ITGA5: variants seen among roughly 807,000 people sequenced by gnomAD.
The protein encoded by ITGA5 is integrin subunit alpha 5, also known as integrin alpha-5.
In ITGA5, 55 loss-of-function variants were observed where a neutral mutation model predicts 146.3. The ratio of observed to expected loss-of-function variants is 0.38; its 90% confidence interval spans 0.30 to 0.47. The LOEUF (loss-of-function observed/expected upper bound fraction) is 0.47, where lower values mean the gene tolerates loss of function less well. ITGA5 is among the 20% of genes least tolerant of loss of function. The probability of loss-of-function intolerance (pLI) is 0.99; values close to 1 mark genes in which losing one functional copy is unlikely to be tolerated. For synonymous variants in ITGA5, 500 were observed against 531.8 expected, an observed-to-expected ratio of 0.94 and a Z score of 0.82; for missense variants, 1,131 against 1,329.0, an observed-to-expected ratio of 0.85 and a Z score of 2.32.
chr12:54,418,990 C>G lies in ITGA5; in HGVS notation c.209G>C (p.Gly70Ala), dbSNP rs773172483. 6.2e-7 allele frequency: 1 copy of G among 1,608,080 alleles called. No individual in the cohort carries two copies. The highest frequency in any genetic ancestry group is 1.3e-5 in the African/African-American group (1 of 74,738). ...FGFSVEFYRP[G>A]TDGVSVLVGA... Reference sequence around the variant, plus strand: ...AGCCCTCCTCACTCACCCGTCTGTTCCCGGCCGGTAAAACTCCACTGAGAA... The same window carrying G: ...AGCCCTCCTCACTCACCCGTCTGTTGCCGGCCGGTAAAACTCCACTGAGAA... Residue 70 changes from glycine (G) to alanine (A), a missense_variant, in exon 1 of 30, where the codon GGA becomes GCA. Physicochemically the swap from Gly to Ala is moderately conservative, Grantham distance 60 (BLOSUM62 0). This residue lies in a region of ITGA5 where 175 missense variants were observed against 179.3 expected (regional missense o/e 0.98). Transcript: ENST00000293379.
chr12:54,403,832 G>A lies in ITGA5; in HGVS notation c.1622-53C>T, dbSNP rs901799955. ...CTGCCTGTCTTTCCTCATCTTTTCAGAGAGAAGAAATGTCCCCAGGTCCCC... is the reference window on the plus strand; with the variant it reads ...CTGCCTGTCTTTCCTCATCTTTTCAAAGAGAAGAAATGTCCCCAGGTCCCC... On this transcript the variant is annotated intron_variant, in intron 16 of 29. Coordinates refer to ENST00000293379, the MANE Select transcript of ITGA5 (RefSeq NM_002205.5). The surrounding 1 kb of genome is among the most constrained non-coding windows in gnomAD (Gnocchi z 4.9). The A allele has an allele frequency of 3.4e-5, 54 of 1,609,786 alleles. No individual in the cohort carries two copies. Among genetic ancestry groups the A allele is most frequent in the Non-Finnish European group, 4.4e-5 (52 of 1,176,526 alleles).
chr12:54,396,452 T>C (rs1480710739), intron 29 of ITGA5, 76 bp from the exon 30 acceptor site: 3 of 1,215,068 alleles, frequency 2.5e-6, no homozygotes, highest in African/African-American at 3.0e-5. Context: ...CAAGAAGTAA[T>C]AAGGAGGACT....
chr12:54,408,987 T>A lies in ITGA5; in HGVS notation c.584-33A>T, dbSNP rs201708228. ...GGGAGAAGGTGGTGAAAATGAGCCC[T>A]GCATAGATGGGTCATCCAGGAAAGA... On this transcript the variant is annotated intron_variant, in intron 4 of 29. Coordinates refer to ENST00000293379, the MANE Select transcript of ITGA5 (RefSeq NM_002205.5). The A allele has an allele frequency of 1.9e-6, 3 of 1,602,744 alleles. No individual in the cohort carries two copies. In the African/African-American group the frequency reaches 4.0e-5, roughly 21 times the overall value.
intron 19 of ITGA5, 33 bp downstream of exon 19, chr12:54,402,950 G>T: frequency 6.3e-7 from 1 of 1,597,894 alleles, no homozygotes; most frequent in Non-Finnish European, 8.6e-7. Flanking sequence ...AGGTGCACCT[G>T]GAGCTCCCTA....
intron 1 of ITGA5, 57 bp downstream of exon 1, chr12:54,418,924 C>T: frequency 1.3e-6 from 2 of 1,591,906 alleles, no homozygotes; most frequent in Non-Finnish European, 1.7e-6. Context: ...CCAGCCGCGC[C>T]CCCAGTCTCC....
Position 54,401,828 on chromosome 12 carries a change from G to A in ITGA5, c.2254C>T (p.Pro752Ser), listed in dbSNP as rs1955788557. 6.2e-7 allele frequency: 1 copy of A among 1,614,108 alleles called. No individual in the cohort carries two copies. Among genetic ancestry groups the A allele is most frequent in the Non-Finnish European group, 8.5e-7 (1 of 1,180,010 alleles). Reference sequence around the variant, plus strand: ...GTTTTCTTAGTGTCCCGGAGATGAGGGACTGTAAACCGAAGGCCACCCCAC... The same window carrying A: ...GTTTTCTTAGTGTCCCGGAGATGAGAGACTGTAAACCGAAGGCCACCCCAC... ...SLWGGLRFTV[P>S]HLRDTKKTIQ... Residue 752 changes from proline to serine, a missense_variant, in exon 22 of 30, where the codon CCT becomes TCT. By Grantham distance (74) the Pro-to-Ser change is moderately conservative. Around this residue, in one of 3 missense-constraint regions of ITGA5, gnomAD observed 889 missense variants for 1,021.5 expected, o/e 0.87. Transcript: ENST00000293379. This position sits in a 1 kb window ranked among gnomAD's most constrained non-coding sequence, Gnocchi z 5.0.
In ITGA5 at chr12:54,403,030, A is replaced by G. The variant is rs1304470183; in HGVS notation, c.1935T>C (p.Cys645=). Residue 645 remains cysteine (C), a synonymous_variant, in exon 19 of 30, where the codon TGT becomes TGC. Transcript: ENST00000293379. The surrounding 1 kb of genome is among the most constrained non-coding windows in gnomAD (Gnocchi z 4.9). ...CAGGCACACAGATGTTGTCTTCTCC[A>G]CAGTCCAGCAAGATCTGAGCCTGGG... The part of the protein sequence containing the change: ...IEDKAQILLD[C]GEDNICVPDL... 1 of 1,614,094 alleles carries G rather than the reference A, an allele frequency of 6.2e-7. No homozygotes were observed. The highest frequency in any genetic ancestry group is 8.5e-7 in the Non-Finnish European group (1 of 1,180,002).
In ITGA5 at chr12:54,402,415, G is replaced by A. The variant is rs192942620; in HGVS notation, c.1983-85C>T. 1.1e-3 allele frequency: 1,445 copies of A among 1,316,890 alleles called. 6 individuals are homozygous for A. The Middle Eastern group carries it at 0.022, about 20-fold the overall frequency. The allele number at this position is 1,316,890 out of a possible 1,614,324, so 81.6% of individuals were successfully genotyped here. On this transcript the variant is annotated intron_variant, in intron 19 of 29. Coordinates refer to ENST00000293379, the MANE Select transcript of ITGA5 (RefSeq NM_002205.5). The stretch of plus-strand genomic sequence containing the variant: ...GACCATTATAAGAGTAGTAATACGA[G>A]GCCGGGTGTGGTGGCTCACACCTGT...
intron 29 of ITGA5, 59 bp from the exon 30 acceptor site, chr12:54,396,435 C>A (rs1247844924): frequency 8.0e-6 from 11 of 1,369,164 alleles, no homozygotes; most frequent in Non-Finnish European, 1.1e-5. Flanking sequence ...CTCCACAGCT[C>A]TTATTCCAAG....
chr12:54,397,463 T>G lies in ITGA5; in HGVS notation c.2968A>C (p.Lys990Gln), dbSNP rs1592282661. The change falls in exon 29 of 30, where the codon AAG becomes CAG. Residue 990 changes from lysine to glutamine, a missense_variant. Lys to Gln is a moderately conservative substitution (Grantham distance 53, BLOSUM62 1). Coordinates refer to ENST00000293379, the MANE Select transcript of ITGA5 (RefSeq NM_002205.5). ...GGGACGCCATAGCTGCCTTCTGCCT[T>G]GGTCCATTGCACAGCTGTGGCCACC... ...RQVATAVQWT[K>Q]AEGSYGVPLW... The G allele has an allele frequency of 6.2e-7, 1 of 1,614,166 alleles. No individual in the cohort carries two copies. Among genetic ancestry groups the G allele is most frequent in the East Asian group, 2.2e-5 (1 of 44,892 alleles).
In ITGA5 at chr12:54,409,571, A is replaced by T. The variant is rs1371606256; in HGVS notation, c.376T>A (p.Ser126Thr). The change falls in exon 3 of 30, where the codon TCC (serine) becomes ACC (threonine). Residue 126 changes from serine to threonine, a missense_variant. By Grantham distance (58) the Ser-to-Thr change is moderately conservative (BLOSUM62 1). Around this residue, in one of 3 missense-constraint regions of ITGA5, gnomAD observed 175 missense variants for 179.3 expected, o/e 0.98. Transcript: ENST00000293379. The surrounding 1 kb of genome is among the most constrained non-coding windows in gnomAD (Gnocchi z 4.7). The part of the protein sequence containing the change: ...KGSRLLESSL[S>T]SSEGEEPVEY... ...ACAGGCTCCTCTCCCTCTGAGCTGG[A>T]CAGTGAGGACTCCAGGAGCCGAGAG... is the stretch of plus-strand genomic sequence containing the variant. 6.2e-7 allele frequency: 1 copy of T among 1,613,412 alleles called. No homozygotes were observed. Among genetic ancestry groups the T allele is most frequent in the Non-Finnish European group, 8.5e-7 (1 of 1,179,858 alleles).
intron 26 of ITGA5, 35 bp downstream of exon 26, chr12:54,399,829 A>G (rs1256851581): frequency 1.9e-6 from 3 of 1,608,982 alleles, no homozygotes; most frequent in Non-Finnish European, 1.7e-6. Context: ...AGTACTCAAC[A>G]CTTTGGTCCA....
Position 54,396,255 on chromosome 12 carries a change from C to G in ITGA5, c.*38G>C. The stretch of plus-strand genomic sequence containing the variant: ...TTTCAGTAGAATGAGGGTGGGGGGA[C>G]TGGTTCTTCAGGAATGGGAGTCTGA... On this transcript the variant is annotated 3_prime_UTR_variant, in exon 30 of 30. Coordinates refer to ENST00000293379, the MANE Select transcript of ITGA5 (RefSeq NM_002205.5). The G allele has an allele frequency of 6.7e-7, 1 of 1,501,600 alleles. No individual in the cohort carries two copies. Among genetic ancestry groups the G allele is most frequent in the East Asian group, 2.3e-5 (1 of 44,284 alleles). The allele number at this position is 1,501,600 out of a possible 1,614,324, so 93.0% of individuals were successfully genotyped here.
At chr12:54,407,727 G>A in intron 8 of ITGA5, 35 bp from the exon 9 acceptor site, 2 of 1,609,838 alleles carry the variant, frequency 1.2e-6, no homozygotes, top group Non-Finnish European at 1.7e-6. Context: ...ACCTAAGGGT[G>A]GGGAAAGGGA....
chr12:54,396,386 G>A lies in ITGA5; in HGVS notation c.3067-10C>T, dbSNP rs1239078427. Reference sequence around the variant, plus strand: ...GTTTGAAGAATCCAAGCTGATAAAGGGGAAAAGAGGGAGAGTTTAGGTACT... The same window carrying A: ...GTTTGAAGAATCCAAGCTGATAAAGAGGAAAAGAGGGAGAGTTTAGGTACT... On this transcript the variant is annotated splice_polypyrimidine_tract_variant and intron_variant, in intron 29 of 29. Transcript: ENST00000293379. 5 of 1,605,184 alleles carry A rather than the reference G, an allele frequency of 3.1e-6. No individual in the cohort carries two copies. Among genetic ancestry groups the A allele is most frequent in the Non-Finnish European group, 3.4e-6 (4 of 1,171,932 alleles).
Position 54,407,325 on chromosome 12 carries a change from T to C in ITGA5, c.906+324A>G, listed in dbSNP as rs918450983. On this transcript the variant is annotated intron_variant, in intron 9 of 29. Transcript: ENST00000293379. Reference sequence around the variant, plus strand: ...CACTTGTCCTGGTCTAATAATAACATCTGCCAGTTGTACATTGCCTAACAA... The same window carrying C: ...CACTTGTCCTGGTCTAATAATAACACCTGCCAGTTGTACATTGCCTAACAA... 8.1e-6 allele frequency: 3 copies of C among 372,090 alleles called. No homozygotes were observed. In the Admixed American group the frequency reaches 1.2e-4, roughly 15 times the overall value. The allele number at this position is 372,090 out of a possible 1,614,324, so 23.0% of individuals were successfully genotyped here. A position where few individuals can be genotyped will look rare whatever the true frequency, so the allele number is the denominator to read the frequency against.
Position 54,419,247 on chromosome 12 carries a change from T to C in ITGA5, c.-49A>G, listed in dbSNP as rs1224112957. 4 of 1,540,766 alleles carry C rather than the reference T, an allele frequency of 2.6e-6. No individual in the cohort carries two copies. Among genetic ancestry groups the C allele is most frequent in the Admixed American group, 3.9e-5 (2 of 50,894 alleles). On this transcript the variant is annotated 5_prime_UTR_variant, in exon 1 of 30. Coordinates refer to ENST00000293379, the MANE Select transcript of ITGA5 (RefSeq NM_002205.5). Reference sequence around the variant, plus strand: ...GGGCCACCGACCCGGAGCCGCTTCCTAAACCTCCCAGAGGCGAATGACTCA... The same window carrying C: ...GGGCCACCGACCCGGAGCCGCTTCCCAAACCTCCCAGAGGCGAATGACTCA...
rs371880807 is a variant in ITGA5, at chr12:54,409,305, G to A, written c.510C>T (p.Ser170=). 5.0e-6 allele frequency: 8 copies of A among 1,613,790 alleles called. No individual in the cohort carries two copies. The highest frequency in any genetic ancestry group is 4.4e-5 in the South Asian group (4 of 91,058). Reference sequence around the variant, plus strand: ...AGAGGTAGCAGGTGCCCACGGGGTCGCTCAGTGGCTCCTTCTCTGTGCGCC... The same window carrying A: ...AGAGGTAGCAGGTGCCCACGGGGTCACTCAGTGGCTCCTTCTCTGTGCGCC... ...YSWRTEKEPL[S]DPVGTCYLST... The change falls in exon 4 of 30, where the codon AGC becomes AGT. Residue 170 remains serine, a synonymous_variant. Coordinates refer to ENST00000293379, the MANE Select transcript of ITGA5 (RefSeq NM_002205.5). The surrounding 1 kb of genome is among the most constrained non-coding windows in gnomAD (Gnocchi z 4.7).
At chr12:54,397,241 G>T in intron 29 of ITGA5, 124 bp downstream of exon 29, 1 of 1,032,962 alleles carries the variant, frequency 9.7e-7, no homozygotes, top group Non-Finnish European at 1.5e-6. Flanking sequence ...GATGCATGTA[G>T]CCAGGACAGA....
Sources: allele counts gnomAD v4.1 joint callset, GRCh38; gene constraint gnomAD v4.1.1; regional missense constraint gnomAD v4.1.1; non-coding constraint Gnocchi (gnomAD v3.1); transcripts MANE v1.5; gene names NCBI Gene and HGNC (gene_info 2026-07-23, HGNC 2026-07-21).